Variants in PRICKLE1 observed in about 807,000 individuals in gnomAD.
PRICKLE1 encodes the protein prickle-like protein 1.
Under a neutral mutation model 70.2 loss-of-function variants are expected in PRICKLE1, and 14 were observed. The observed-to-expected ratio is 0.20, with a 90% CI of 0.13 to 0.31. The LOEUF (loss-of-function observed/expected upper bound fraction) is 0.31, where lower values mean the gene tolerates loss of function less well. Ranked by LOEUF, PRICKLE1 falls within the 10% of genes least tolerant of loss-of-function variation. PRICKLE1 has a pLI of 1.00. For synonymous variants in PRICKLE1, 357 were observed against 379.9 expected (o/e 0.94, Z 0.70); for missense variants, 821 against 1,026.2 (o/e 0.80, Z 2.73).
chr12:42,581,211 G>A (rs185436244), intron 1 of PRICKLE1, among the ~76,000 whole-genome samples: 7 of 152,206 alleles, frequency 4.6e-5, no homozygotes, highest in Admixed American at 1.3e-4. Context: ...AATATACACT[G>A]ATCTAGTCTA....
chr12:42,538,676 T>C (rs1420298036), intron 1 of PRICKLE1, among the ~76,000 whole-genome samples: 3 of 152,232 alleles, frequency 2.0e-5, no homozygotes, highest in Non-Finnish European at 4.4e-5. Flanking sequence ...TTGATGTGTA[T>C]CTTTTTTGTC....
chr12:42,559,634 TTTGGG>T (rs753455484), intron 1 of PRICKLE1, among the ~76,000 whole-genome samples: 8,249 of 111,386 alleles, frequency 0.074, 474 homozygotes, highest in African/African-American at 0.19. Context: ...ATTTTTTTTT[TTTGGG>T]GGGGGTAGAG....
chr12:42,553,218 G>A (rs1940353193), intron 1 of PRICKLE1, among the ~76,000 whole-genome samples: 2 of 152,154 alleles, frequency 1.3e-5, no homozygotes, highest in South Asian at 4.2e-4. Flanking sequence ...CGAGGCGGGC[G>A]GATCACCTGA....
intron 1 of PRICKLE1, among the ~76,000 whole-genome samples, chr12:42,544,110 G>A (rs979288764): frequency 6.6e-6 from 1 of 152,114 alleles, no homozygotes; most frequent in African/African-American, 2.4e-5. Flanking sequence ...TGGCAGAGGT[G>A]GAAGAAAATC....
intron 1 of PRICKLE1, among the ~76,000 whole-genome samples, chr12:42,575,011 T>C (rs1219710470): frequency 6.6e-6 from 1 of 151,840 alleles, no homozygotes; most frequent in Non-Finnish European, 1.5e-5. Flanking sequence ...CAGGCTTCTT[T>C]TTTTTTTTTC....
intron 1 of PRICKLE1, among the ~76,000 whole-genome samples, chr12:42,527,917 ATATATATATATATATATATAT>A (rs1939834456): frequency 2.6e-5 from 3 of 117,644 alleles, no homozygotes; most frequent in Middle Eastern, 3.7e-3. Context: ...ACTCTTTATA[ATATATATATATATATATATAT>A]ATATATATAT....
chr12:42,572,523 A>C (rs1232158099), intron 1 of PRICKLE1, among the ~76,000 whole-genome samples: 1 of 151,996 alleles, frequency 6.6e-6, no homozygotes, highest in Non-Finnish European at 1.5e-5. Flanking sequence ...ATTTTGAAAA[A>C]CCTGAGAATG....
intron 1 of PRICKLE1, among the ~76,000 whole-genome samples, chr12:42,566,986 G>A (rs1318543853): frequency 2.0e-5 from 3 of 152,200 alleles, no homozygotes; most frequent in Non-Finnish European, 2.9e-5. Flanking sequence ...GAGGGGCAAA[G>A]AGATGATTAT....
intron 1 of PRICKLE1, among the ~76,000 whole-genome samples, chr12:42,510,331 T>A (rs923586941): frequency 3.3e-5 from 5 of 152,002 alleles, no homozygotes; most frequent in African/African-American, 4.8e-5. Flanking sequence ...CCTGATCTTG[T>A]GATCCACCCG....
intron 1 of PRICKLE1, among the ~76,000 whole-genome samples, chr12:42,477,876 A>G (rs1938630212): frequency 6.6e-6 from 1 of 152,060 alleles, no homozygotes; most frequent in Admixed American, 6.6e-5. Context: ...GTTATGACAG[A>G]GTAAAACTTT....
At chr12:42,533,644 A>G (rs1939964688) in intron 1 of PRICKLE1, among the ~76,000 whole-genome samples, 1 of 152,180 alleles carries the variant, frequency 6.6e-6, no homozygotes, top group Non-Finnish European at 1.5e-5. Context: ...ATAAATAGGC[A>G]ACGTGACCAA....
At chr12:42,539,250 G>T (rs1043575815) in intron 1 of PRICKLE1, among the ~76,000 whole-genome samples, 15 of 151,988 alleles carry the variant, frequency 9.9e-5, no homozygotes, top group African/African-American at 2.7e-4. Flanking sequence ...GGTGGATCAC[G>T]AGGTCAGGAG....
intron 2 of PRICKLE1, among the ~76,000 whole-genome samples, chr12:42,471,899 CAA>C (rs1320860797): frequency 1.3e-5 from 2 of 152,114 alleles, no homozygotes; most frequent in African/African-American, 2.4e-5. Context: ...CTTTTATATG[CAA>C]AGTTATCAAA....
intron 1 of PRICKLE1, among the ~76,000 whole-genome samples, chr12:42,543,030 G>C (rs1424698849): frequency 1.3e-5 from 2 of 152,154 alleles, no homozygotes; most frequent in African/African-American, 4.8e-5. Flanking sequence ...CACCATATAA[G>C]GACACTGCGA....
rs1355828220 is a variant in PRICKLE1, at chr12:42,460,538, G to C, written c.1767C>G (p.His589Gln). The change falls in exon 8 of 8, where the codon CAC (histidine) becomes CAG (glutamine). Residue 589 changes from histidine to glutamine, a missense_variant. Coordinates refer to ENST00000345127, the MANE Select transcript of PRICKLE1 (RefSeq NM_153026.3). ...GACTCTTTAAGGACTCTGCACTCCTGTGCAGCATGGAAGAGTTCAAAGTTC... is the reference window on the plus strand; with the variant it reads ...GACTCTTTAAGGACTCTGCACTCCTCTGCAGCATGGAAGAGTTCAAAGTTC... ...NMGTLNSSML[H>Q]RSAESLKSLS... 1 of 1,614,136 alleles carries C rather than the reference G, an allele frequency of 6.2e-7. No individual in the cohort carries two copies.
At chr12:42,506,241 GTTC>G (rs1281415501) in intron 1 of PRICKLE1, among the ~76,000 whole-genome samples, 2 of 122,186 alleles carry the variant, frequency 1.6e-5, no homozygotes, top group Admixed American at 1.0e-4. Context: ...AGTAAAAAAT[GTTC>G]TTTTTTCTTT....
At position 42,468,665 on chromosome 12, in the gene PRICKLE1, A is replaced by G. The variant is rs753829444; in HGVS notation, c.549T>C (p.His183=). The G allele has an allele frequency of 7.4e-6, 12 of 1,614,098 alleles. No homozygotes were observed. Among genetic ancestry groups the G allele is most frequent in the South Asian group, 1.1e-5 (1 of 91,078 alleles). The change falls in exon 5 of 8, where the codon CAT becomes CAC. Residue 183 remains histidine (H), a synonymous_variant. Transcript: ENST00000345127. ...AGCACCGTGGTTTGAGCAGTTCTGC[A>G]TGGTGCCTGCCACAGTGAATTTTTC... The part of the protein sequence containing the change: ...QDGKIHCGRH[H]AELLKPRCSA...
intron 1 of PRICKLE1, among the ~76,000 whole-genome samples, chr12:42,499,443 T>TA (rs1939267286): frequency 6.6e-6 from 1 of 151,874 alleles, no homozygotes; most frequent in African/African-American, 2.4e-5. Context: ...TTTTTTTTTT[T>TA]AGAGTCTTGC....
chr12:42,584,773 T>C (rs949366279), intron 1 of PRICKLE1, among the ~76,000 whole-genome samples: 6 of 152,206 alleles, frequency 3.9e-5, no homozygotes, highest in Non-Finnish European at 5.9e-5. Flanking sequence ...CCCAGGGATC[T>C]CTGCCTCAGA....
Sources: gnomAD v4.1 joint callset for allele counts (sites outside exome capture counted in the v4.1 genomes callset) on GRCh38, gnomAD v4.1.1 for gene constraint, MANE v1.5 for transcripts, NCBI Gene and HGNC (gene_info 2026-07-23, HGNC 2026-07-21) for gene names.